INVS: variants seen among roughly 807,000 people sequenced by gnomAD.
INVS encodes the protein inversin.
A neutral mutation model predicts 108.8 loss-of-function variants in INVS; 86 were observed. The ratio of observed to expected loss-of-function variants is 0.79; its 90% confidence interval spans 0.66 to 0.95. The LOEUF is 0.95. Among genes scored for constraint, INVS ranks in the 40% least tolerant of loss-of-function variants. The pLI, the probability that INVS is intolerant of heterozygous loss-of-function variation, is 0.00. For missense variants in INVS, 1,169 were observed against 1,297.4 expected, an observed-to-expected ratio of 0.90 and a Z score of 1.52; for synonymous variants, 455 against 473.5, an observed-to-expected ratio of 0.96 and a Z score of 0.51.
intron 2 of INVS, among the ~76,000 whole-genome samples, chr9:100,113,703 T>G (rs995259372): frequency 2.6e-5 from 4 of 152,178 alleles, no homozygotes; most frequent in Admixed American, 2.0e-4. Context: ...AGCATATGCA[T>G]TAACTCAAAC....
At chr9:100,240,276 T>G (rs1479835849) in intron 6 of INVS, 36 bp downstream of exon 6, 19 of 1,510,352 alleles carry the variant, frequency 1.3e-5, no homozygotes, top group Non-Finnish European at 1.7e-5. Flanking sequence ...AAAAGGAACT[T>G]CATGAGTATA....
intron 3 of INVS, among the ~76,000 whole-genome samples, chr9:100,222,621 A>G (rs919855702): frequency 7.9e-5 from 12 of 152,180 alleles, no homozygotes; most frequent in Admixed American, 2.0e-4. Flanking sequence ...ATAGCTCAGT[A>G]GTTACCCCCA....
Position 100,292,179 on chromosome 9 carries a change from T to G in INVS, c.2069-147T>G, listed in dbSNP as rs564670431. 58 of 752,260 alleles carry G rather than the reference T, an allele frequency of 7.7e-5. No individual in the cohort carries two copies. In the African/African-American group the frequency reaches 9.3e-4, roughly 12 times the overall value. 46.6% of individuals were successfully genotyped at this position (752,260 alleles called of 1,614,324 possible). A position where few individuals can be genotyped will look rare whatever the true frequency, so the allele number is the denominator to read the frequency against. The stretch of plus-strand genomic sequence containing the variant: ...ATCTAACCTACCATATTGCTGGAAA[T>G]AGAAGTTAAACCGTTTTTTTCCTAG... On this transcript the variant is annotated intron_variant, in intron 13 of 16. Transcript: ENST00000262457.
Position 100,284,446 on chromosome 9 carries a change from C to T in INVS, c.1911C>T (p.Ser637=). 3.7e-6 allele frequency: 6 copies of T among 1,614,180 alleles called. No homozygotes were observed. Among genetic ancestry groups the T allele is most frequent in the Non-Finnish European group, 5.1e-6 (6 of 1,180,020 alleles). The part of the protein sequence containing the change: ...PSTQDVPSRQ[S]RAPSKQPPAG... ...CCCAGGATGTGCCCAGCAGGCAGAG[C>T]CGGGCCCCCAGCAAGCAGCCTCCTG... The change falls in exon 13 of 17, where the codon AGC becomes AGT. Residue 637 remains serine (S), a synonymous_variant. Coordinates refer to ENST00000262457, the MANE Select transcript of INVS (RefSeq NM_014425.5).
intron 3 of INVS, among the ~76,000 whole-genome samples, chr9:100,160,116 T>C (rs553731359): frequency 1.3e-5 from 2 of 152,300 alleles, no homozygotes; most frequent in East Asian, 1.9e-4. Context: ...AAGAGAACCT[T>C]GAAACAATGC....
At chr9:100,288,579 C>T (rs1320317256) in intron 13 of INVS, among the ~76,000 whole-genome samples, 1 of 151,694 alleles carries the variant, frequency 6.6e-6, no homozygotes, top group Non-Finnish European at 1.5e-5. Context: ...TATTATGTAC[C>T]ACCTCAAATA....
chr9:100,149,762 A>C (rs1397797571), intron 3 of INVS, among the ~76,000 whole-genome samples: 1 of 152,142 alleles, frequency 6.6e-6, no homozygotes, highest in Non-Finnish European at 1.5e-5. Context: ...TGAAATCGCC[A>C]CTTTGAATTT....
In INVS at chr9:100,101,857, AC is replaced by A. The variant is rs1366635955; in HGVS notation, c.-25+2442del. 9.2e-5 allele frequency: 14 copies of A among 151,506 alleles called. No homozygotes were observed. The East Asian group carries it at 2.7e-3, about 29-fold the overall frequency. The allele number at this position is 151,506 out of a possible 1,614,324, so 9.4% of individuals were successfully genotyped here. ...TGCTTGAGTTTACCGTGATTCTGTG[AC>A]TCCCTACGTTTCTAACAGTTGTTAC... is the stretch of plus-strand genomic sequence containing the variant. On this transcript the variant is annotated intron_variant, in intron 1 of 16. Coordinates refer to ENST00000262457, the MANE Select transcript of INVS (RefSeq NM_014425.5).
chr9:100,170,575 T>A (rs923876775), intron 3 of INVS, among the ~76,000 whole-genome samples: 11 of 149,946 alleles, frequency 7.3e-5, no homozygotes, highest in African/African-American at 2.2e-4. Context: ...AAAAAAAAAA[T>A]AAAATAAAAA....
chr9:100,134,166 C>T (rs920518644), intron 3 of INVS, among the ~76,000 whole-genome samples: 2 of 152,134 alleles, frequency 1.3e-5, no homozygotes, highest in Admixed American at 1.3e-4. Flanking sequence ...GCTTAGCTCC[C>T]ACATATCAGT....
chr9:100,256,220 C>T (rs1202655854), intron 10 of INVS, among the ~76,000 whole-genome samples: 1 of 152,138 alleles, frequency 6.6e-6, no homozygotes, highest in Non-Finnish European at 1.5e-5. Flanking sequence ...TTATAGTATT[C>T]TCTGATAGTA....
At chr9:100,197,619 T>C (rs77151644) in intron 3 of INVS, among the ~76,000 whole-genome samples, 1 of 152,130 alleles carries the variant, frequency 6.6e-6, no homozygotes, top group African/African-American at 2.4e-5. Context: ...GGAGACTTCA[T>C]TGGATAGGCA....
intron 2 of INVS, among the ~76,000 whole-genome samples, chr9:100,110,551 C>T (rs886125196): frequency 3.3e-5 from 5 of 152,108 alleles, no homozygotes; most frequent in Admixed American, 6.6e-5. Flanking sequence ...GAATGATTAT[C>T]TAGATGGGAT....
intron 10 of INVS, among the ~76,000 whole-genome samples, chr9:100,259,143 G>A (rs1029037451): frequency 7.9e-5 from 12 of 152,140 alleles, no homozygotes; most frequent in African/African-American, 1.7e-4. Context: ...CCCCAGCCTC[G>A]CTGCTGCCTT....
intron 14 of INVS, among the ~76,000 whole-genome samples, chr9:100,295,896 G>A (rs1202355547): frequency 3.9e-5 from 6 of 152,086 alleles, no homozygotes; most frequent in Admixed American, 2.0e-4. Flanking sequence ...ATTATAGCGC[G>A]GTAGTGCCAT....
chr9:100,109,913 C>T (rs1222878318), intron 2 of INVS, among the ~76,000 whole-genome samples: 12 of 152,326 alleles, frequency 7.9e-5, no homozygotes, highest in Middle Eastern at 3.4e-3. Flanking sequence ...GTGATCCGCC[C>T]GCCTCGGCCT....
chr9:100,277,415 C>T (rs757999806), intron 12 of INVS, among the ~76,000 whole-genome samples: 61 of 152,188 alleles, frequency 4.0e-4, no homozygotes, highest in Non-Finnish European at 5.3e-4. Flanking sequence ...GAATTACTTC[C>T]ATAGTTCTAT....
chr9:100,143,079 A>G (rs1273480027), intron 3 of INVS, among the ~76,000 whole-genome samples: 1 of 152,196 alleles, frequency 6.6e-6, no homozygotes, highest in Admixed American at 6.5e-5. Context: ...GTACAGCCTA[A>G]GTAATTTGCT....
chr9:100,132,228 TGAATGA>T (rs1828075497), intron 3 of INVS, among the ~76,000 whole-genome samples: 2 of 1,056 alleles, frequency 1.9e-3, no homozygotes, highest in Non-Finnish European at 3.1e-3. Context: ...AAGGAATACA[TGAATGA>T]ATGAATGAAT....
Sources: allele counts gnomAD v4.1 joint callset (sites outside exome capture counted in the v4.1 genomes callset), GRCh38; gene constraint gnomAD v4.1.1; transcripts MANE v1.5; gene names NCBI Gene and HGNC (gene_info 2026-07-23, HGNC 2026-07-21).